BNC2: variants seen among roughly 807,000 people sequenced by gnomAD.
BNC2 encodes zinc finger protein basonuclin-2.
In BNC2, 20 loss-of-function variants were observed where a neutral mutation model predicts 76.3. The observed-to-expected ratio is 0.26, with a 90% CI of 0.18 to 0.38. The LOEUF is 0.38. Among genes scored for constraint, BNC2 ranks in the 10% least tolerant of loss-of-function variants. BNC2 has a pLI of 1.00. For missense variants in BNC2, 1,382 were observed against 1,399.8 expected (o/e 0.99, Z 0.20); for synonymous variants, 582 against 514.8 (o/e 1.13, Z -1.77).
At chr9:16,809,495 T>TAAA (rs1817993871) in intron 1 of BNC2, among the ~76,000 whole-genome samples, 1 of 152,166 alleles carries the variant, frequency 6.6e-6, no homozygotes, top group Non-Finnish European at 1.5e-5. Flanking sequence ...AAATATGTGA[T>TAAA]ACTTTTATTT....
At chr9:16,509,422 C>T (rs1265013695) in intron 5 of BNC2, among the ~76,000 whole-genome samples, 2 of 152,184 alleles carry the variant, frequency 1.3e-5, no homozygotes, top group Non-Finnish European at 2.9e-5. Context: ...GGAGTAAGGA[C>T]CTTGCACACA....
intron 5 of BNC2, among the ~76,000 whole-genome samples, chr9:16,449,770 T>C (rs1263025364): frequency 7.5e-6 from 1 of 134,066 alleles, no homozygotes; most frequent in Admixed American, 9.8e-5. Flanking sequence ...AATTTAGTAG[T>C]GGAATCACAA....
At chr9:16,431,351 A>G in intron 6 of BNC2, 1 of 382,972 alleles carries the variant, frequency 2.6e-6, no homozygotes, top group Non-Finnish European at 5.8e-6. Flanking sequence ...GCTCCTGGGG[A>G]TCAAAAATCA....
intron 3 of BNC2, among the ~76,000 whole-genome samples, chr9:16,707,226 T>C (rs1823706557): frequency 2.1e-5 from 3 of 144,814 alleles, no homozygotes; most frequent in Non-Finnish European, 4.6e-5. Flanking sequence ...ACAACAGCAA[T>C]AGACATTTGA....
intron 1 of BNC2, among the ~76,000 whole-genome samples, chr9:16,757,561 C>T (rs1361246325): frequency 2.0e-5 from 3 of 152,158 alleles, no homozygotes; most frequent in Non-Finnish European, 2.9e-5. Flanking sequence ...CACTTACATT[C>T]CTACATTTCC....
At position 16,435,938 on chromosome 9, in the gene BNC2, G is replaced by A. The variant is rs1472890849; in HGVS notation, c.2256C>T (p.Val752=). The A allele has an allele frequency of 1.2e-6, 2 of 1,614,082 alleles. No homozygotes were observed. Among genetic ancestry groups the A allele is most frequent in the South Asian group, 2.2e-5 (2 of 91,072 alleles). The change falls in exon 6 of 7, where the codon GTC becomes GTT. Residue 752 remains valine, a synonymous_variant. Transcript: ENST00000380672. The stretch of plus-strand genomic sequence containing the variant: ...CATCAGGCCTCTCACTATTCATCAG[G>A]ACTTTTTCACTCACTTCGCTGTGAA... ...EHIHSEVSEK[V]LMNSERPDEN... is the part of the protein sequence containing the mutation.
At chr9:16,586,320 G>A (rs760171156) in intron 3 of BNC2, among the ~76,000 whole-genome samples, 9 of 152,032 alleles carry the variant, frequency 5.9e-5, no homozygotes, top group Non-Finnish European at 1.3e-4. Flanking sequence ...TATTCCTTCT[G>A]CTTACCTTTA....
chr9:16,826,818 G>A (rs1405614941), intron 1 of BNC2, among the ~76,000 whole-genome samples: 1 of 152,048 alleles, frequency 6.6e-6, no homozygotes, highest in Admixed American at 6.6e-5. Flanking sequence ...AATGATGGAT[G>A]GATAGATGGA....
chr9:16,719,006 T>C (rs1459198693), intron 3 of BNC2, among the ~76,000 whole-genome samples: 2 of 152,186 alleles, frequency 1.3e-5, no homozygotes, highest in Non-Finnish European at 2.9e-5. Context: ...TGGTTCTTTC[T>C]GGTACTCTAA....
chr9:16,583,718 T>C (rs1382201307), intron 3 of BNC2, among the ~76,000 whole-genome samples: 1 of 152,112 alleles, frequency 6.6e-6, no homozygotes, highest in Non-Finnish European at 1.5e-5. Context: ...AAAACAATCC[T>C]CCTCTTATTT....
At chr9:16,528,957 GT>G (rs1200981402) in intron 5 of BNC2, among the ~76,000 whole-genome samples, 1 of 152,204 alleles carries the variant, frequency 6.6e-6, no homozygotes, top group Non-Finnish European at 1.5e-5. Context: ...TGCAATTGAG[GT>G]GTGAGTAGGG....
Position 16,417,119 on chromosome 9 carries a change from C to G in BNC2, c.*1870G>C, listed in dbSNP as rs978341851. On this transcript the variant is annotated 3_prime_UTR_variant, in exon 7 of 7. Transcript: ENST00000380672. Reference sequence around the variant, plus strand: ...TTGACAAAATATTCCTTGTTTATCTCTTCTTTTCCCCTCCACTTAAAAAAA... The same window carrying G: ...TTGACAAAATATTCCTTGTTTATCTGTTCTTTTCCCCTCCACTTAAAAAAA... 7.2e-5 allele frequency: 11 copies of G among 151,730 alleles called. 1 individual carries two copies. Among genetic ancestry groups the G allele is most frequent in the Admixed American group, 2.6e-4 (4 of 15,196 alleles). 9.4% of individuals were successfully genotyped at this position (151,730 alleles called of 1,614,324 possible).
chr9:16,785,958 G>T (rs932229099), intron 1 of BNC2, among the ~76,000 whole-genome samples: 1 of 152,142 alleles, frequency 6.6e-6, no homozygotes, highest in Non-Finnish European at 1.5e-5. Context: ...ACTGGAGCTT[G>T]CTGGTCCTCT....
intron 3 of BNC2, among the ~76,000 whole-genome samples, chr9:16,705,907 T>C (rs1276756220): frequency 6.6e-6 from 1 of 152,204 alleles, no homozygotes; most frequent in East Asian, 1.9e-4. Context: ...CACTTAACCA[T>C]TTTTATTTAC....
At chr9:16,823,615 A>G (rs1183892950) in intron 1 of BNC2, among the ~76,000 whole-genome samples, 1 of 152,026 alleles carries the variant, frequency 6.6e-6, no homozygotes, top group South Asian at 2.1e-4. Flanking sequence ...AAAAAAAAAA[A>G]AGAATTACAA....
At chr9:16,634,317 T>C (rs968614471) in intron 3 of BNC2, among the ~76,000 whole-genome samples, 1 of 152,156 alleles carries the variant, frequency 6.6e-6, no homozygotes, top group Non-Finnish European at 1.5e-5. Flanking sequence ...TTTAAAACAT[T>C]CTGATTTGAA....
intron 5 of BNC2, among the ~76,000 whole-genome samples, chr9:16,453,662 C>G (rs1471503332): frequency 6.6e-6 from 1 of 152,070 alleles, no homozygotes; most frequent in Non-Finnish European, 1.5e-5. Context: ...TAAAATAAAC[C>G]TCAGCCGGGC....
At chr9:16,495,580 G>C (rs560973152) in intron 5 of BNC2, among the ~76,000 whole-genome samples, 16 of 152,348 alleles carry the variant, frequency 1.1e-4, no homozygotes, top group African/African-American at 2.9e-4. Flanking sequence ...CACCAAAGTG[G>C]CAAGTGGTGC....
At chr9:16,501,144 A>G (rs1393395643) in intron 5 of BNC2, among the ~76,000 whole-genome samples, 1 of 152,188 alleles carries the variant, frequency 6.6e-6, no homozygotes, top group African/African-American at 2.4e-5. Flanking sequence ...TAACAAAATG[A>G]GCAAATATAA....
Sources: gnomAD v4.1 joint callset for allele counts (sites outside exome capture counted in the v4.1 genomes callset) on GRCh38, gnomAD v4.1.1 for gene constraint, MANE v1.5 for transcripts, NCBI Gene and HGNC (gene_info 2026-07-23, HGNC 2026-07-21) for gene names.